Variants in TTN observed in about 807,000 individuals in gnomAD.
The protein encoded by TTN is titin.
TTN carries 1,525 observed loss-of-function variants against 3,223.0 expected under a neutral mutation model. That is an observed-to-expected ratio of 0.47 (90% confidence interval 0.45 to 0.49). The LOEUF (loss-of-function observed/expected upper bound fraction) is 0.49. TTN is among the 20% of genes least tolerant of loss of function. The probability of loss-of-function intolerance (pLI) is 0.00; values close to 1 mark genes in which losing one functional copy is unlikely to be tolerated. For missense variants in TTN, 40,786 were observed against 43,424.0 expected, an observed-to-expected ratio of 0.94 and a Z score of 5.40; for synonymous variants, 14,094 against 15,161.0, an observed-to-expected ratio of 0.93 and a Z score of 5.17.
chr2:178,564,029 T>C lies in TTN; in HGVS notation c.82103A>G (p.Asp27368Gly), dbSNP rs145373396. The change falls in exon 326 of 363, where the codon GAC becomes GGC. Residue 27368 changes from aspartate (D) to glycine (G), a missense_variant. Transcript: ENST00000589042. The stretch of plus-strand genomic sequence containing the variant: ...AGGCCCTTCAGGAGGCCCTGGCCTG[T>C]CAAGTACCTTTACAGTGATGGGTAT... ...KSIPITVKVL[D>G]RPGPPEGPLK... 1.4e-4 allele frequency: 219 copies of C among 1,613,774 alleles called. No homozygotes were observed. The Admixed American group carries it at 3.6e-3, about 26-fold the overall frequency.
At chr2:178,711,480 A>G in intron 96 of TTN, 131 bp from the exon 97 acceptor site, 2 of 1,101,962 alleles carry the variant, frequency 1.8e-6, no homozygotes, top group Non-Finnish European at 2.5e-6. Context: ...CTCTTGAATT[A>G]ACTTGGAGAT....
chr2:178,530,785 A>G lies in TTN; in HGVS notation c.105830T>C (p.Val35277Ala), dbSNP rs754848862. Reference sequence around the variant, plus strand: ...TGGGGCAGAGACTGGGAGGTGCTGAACTTTCTCTGTTGGTGTTGGTTTTGT... The same window carrying G: ...TGGGGCAGAGACTGGGAGGTGCTGAGCTTTCTCTGTTGGTGTTGGTTTTGT... Reference protein sequence around the residue: ...TETKPTPTEKVQHLPVSAPPK... With the variant: ...TETKPTPTEKAQHLPVSAPPK... The change falls in exon 358 of 363, where the codon GTT becomes GCT. Residue 35277 changes from valine (V) to alanine (A), a missense_variant. Transcript: ENST00000589042. 1 of 1,613,340 alleles carries G rather than the reference A, an allele frequency of 6.2e-7. No homozygotes were observed. Among genetic ancestry groups the G allele is most frequent in the African/African-American group, 1.3e-5 (1 of 74,734 alleles).
chr2:178,749,064 C>T (rs2084577779), intron 47 of TTN: 2 of 1,612,602 alleles, frequency 1.2e-6, no homozygotes. Flanking sequence ...ATCTCTTCAC[C>T]AAGGGATTCT....
chr2:178,672,727 G>C (rs1178338576), intron 152 of TTN, 24 bp from the exon 153 acceptor site: 2 of 1,564,406 alleles, frequency 1.3e-6, no homozygotes, highest in Non-Finnish European at 1.7e-6. Flanking sequence ...AGGTGTTTTA[G>C]TTAGCTGAGA....
At chr2:178,751,552 T>C in intron 47 of TTN, 1 of 1,613,370 alleles carries the variant, frequency 6.2e-7, no homozygotes. Flanking sequence ...CATTTTCATG[T>C]GTCCGTTCTG....
Position 178,734,695 on chromosome 2 carries a change from C to A in TTN, c.15217+12G>T. On this transcript the variant is annotated intron_variant, in intron 51 of 362. Coordinates refer to ENST00000589042, the MANE Select transcript of TTN (RefSeq NM_001267550.2). Reference sequence around the variant, plus strand: ...CTCAGAAAAATACTGGATGGAAACTCAGTAAACAAACCTTTGATAACTATT... The same window carrying A: ...CTCAGAAAAATACTGGATGGAAACTAAGTAAACAAACCTTTGATAACTATT... 1 of 1,596,398 alleles carries A rather than the reference C, an allele frequency of 6.3e-7. No individual in the cohort carries two copies.
chr2:178,560,503 C>T lies in TTN; in HGVS notation c.85629G>A (p.Lys28543=). The change falls in exon 326 of 363, where the codon AAG becomes AAA. Residue 28543 remains lysine (K), a synonymous_variant. Coordinates refer to ENST00000589042, the MANE Select transcript of TTN (RefSeq NM_001267550.2). ...TTGGAACTGTAAATGGATCTAGTGC[C>T]TTTATAGCTACACTCTCTAGGGGCT... The part of the protein sequence containing the change: ...VGEPLESVAI[K]ALDPFTVPSP... The T allele has an allele frequency of 6.2e-7, 1 of 1,612,894 alleles. No homozygotes were observed. Among genetic ancestry groups the T allele is most frequent in the South Asian group, 1.1e-5 (1 of 91,016 alleles).
rs572368746 is a variant in TTN, at chr2:178,598,550, A to T, written c.57067T>A (p.Tyr19023Asn). Residue 19023 changes from tyrosine to asparagine, a missense_variant, in exon 292 of 363, where the codon TAC (tyrosine) becomes AAC (asparagine). Tyr to Asn is a moderately radical substitution (Grantham distance 143). Coordinates refer to ENST00000589042, the MANE Select transcript of TTN (RefSeq NM_001267550.2). ...LKDGGSKVTG[Y>N]IVEYKEEGKE... ...CCTTCTTCTTTATATTCAACGATGT[A>T]TCCAGTTACTTTGGATCCACCATCT... 1 of 1,609,186 alleles carries T rather than the reference A, an allele frequency of 6.2e-7. No homozygotes were observed. The highest frequency in any genetic ancestry group is 1.1e-5 in the South Asian group (1 of 89,584).
intron 159 of TTN, 103 bp downstream of exon 159, chr2:178,669,270 A>G: frequency 1.1e-6 from 1 of 902,432 alleles, no homozygotes; most frequent in Non-Finnish European, 1.6e-6. Flanking sequence ...TTAGGCTTTT[A>G]TAAGAGTTTA....
rs192788942 is a variant in TTN at position 178,602,323 on chromosome 2, G to A, written c.55079C>T (p.Pro18360Leu). The A allele has an allele frequency of 8.9e-5, 143 of 1,612,862 alleles. No individual in the cohort carries two copies. In the African/African-American group the frequency reaches 1.7e-3, roughly 19 times the overall value. The change falls in exon 283 of 363, where the codon CCA (proline) becomes CTA (leucine). Residue 18360 changes from proline (P) to leucine (L), a missense_variant. Physicochemically the swap from Pro to Leu is moderately conservative, Grantham distance 98 (BLOSUM62 -3). Coordinates refer to ENST00000589042, the MANE Select transcript of TTN (RefSeq NM_001267550.2). The stretch of plus-strand genomic sequence containing the variant: ...AGGGATCTCCCCAGTTGTATCACTT[G>A]GTTCAGATTCACCAGCTTCATTGAC... ...KAVNEAGESEPSDTTGEIPAT... is the reference protein window; with the variant it reads ...KAVNEAGESELSDTTGEIPAT...
chr2:178,630,329 A>C lies in TTN; in HGVS notation c.44193T>G (p.Leu14731=), dbSNP rs1576665318. The C allele has an allele frequency of 2.5e-6, 4 of 1,612,434 alleles. No homozygotes were observed. The Admixed American group carries it at 6.7e-5, about 27-fold the overall frequency. Residue 14731 remains leucine (L), a synonymous_variant, in exon 239 of 363, where the codon CTT becomes CTG. Coordinates refer to ENST00000589042, the MANE Select transcript of TTN (RefSeq NM_001267550.2). ...GGTCCAGGCGACAGTTGTGCAAAAC[A>C]AGGGAGTGTATTTTGCCTTCTTCCT... The part of the protein sequence containing the change: ...EIKEEGKIHS[L]VLHNCRLDQT...
At chr2:178,681,351 T>G in intron 137 of TTN, 25 bp downstream of exon 137, 1 of 1,593,952 alleles carries the variant, frequency 6.3e-7, no homozygotes, top group Non-Finnish European at 8.6e-7. Flanking sequence ...AAGTTGTTTT[T>G]GGTGATTATT....
intron 88 of TTN, among the ~76,000 whole-genome samples, chr2:178,716,864 T>A (rs1172305144): frequency 6.6e-6 from 1 of 152,178 alleles, no homozygotes; most frequent in Admixed American, 6.6e-5. Context: ...TAGTCTCTAT[T>A]TTTAGTCTCT....
At position 178,693,647 on chromosome 2, in the gene TTN, T is replaced by C. The variant is rs756171540; in HGVS notation, c.31556A>G (p.His10519Arg). ...QKEIVTEEKIHVAISKRVEPP... is the reference protein window; with the variant it reads ...QKEIVTEEKIRVAISKRVEPP... The stretch of plus-strand genomic sequence containing the variant: ...TTCAACCCTTTTGGAAATGGCAACG[T>C]GAATTTTCTCTTCAGTAACAATTTC... Residue 10519 changes from histidine to arginine, a missense_variant, in exon 119 of 363, where the codon CAC becomes CGC. Physicochemically the swap from His to Arg is conservative, Grantham distance 29. Transcript: ENST00000589042. 2.5e-6 allele frequency: 4 copies of C among 1,600,872 alleles called. No individual in the cohort carries two copies. In the Admixed American group the frequency reaches 5.0e-5, roughly 20 times the overall value.
chr2:178,604,159 C>G lies in TTN; in HGVS notation c.54528G>C (p.Leu18176Phe), dbSNP rs553262724. 4.3e-6 allele frequency: 7 copies of G among 1,612,154 alleles called. No individual in the cohort carries two copies. In the African/African-American group the frequency reaches 9.3e-5, roughly 22 times the overall value. Residue 18176 changes from leucine (L) to phenylalanine (F), a missense_variant, in exon 282 of 363, where the codon TTG (leucine) becomes TTC (phenylalanine). Transcript: ENST00000589042. ...LPGPPGKPKV[L>F]ARTKGSMLVS... Reference sequence around the variant, plus strand: ...CTAGCATTGATCCTTTGGTGCGTGCCAAAACTTTTGGTTTTCCTGGAGGTC... The same window carrying G: ...CTAGCATTGATCCTTTGGTGCGTGCGAAAACTTTTGGTTTTCCTGGAGGTC...
chr2:178,599,210 G>A lies in TTN; in HGVS notation c.56583C>T (p.Ala18861=), dbSNP rs1182032941. ...GTTCTCCAATGCCATATTTATTCTGGGCCATGATTCGGAATACATATTCAT... is the reference window on the plus strand; with the variant it reads ...GTTCTCCAATGCCATATTTATTCTGAGCCATGATTCGGAATACATATTCAT... ...EGHEYVFRIM[A]QNKYGIGEPL... is the part of the protein sequence containing the mutation. The change falls in exon 290 of 363, where the codon GCC becomes GCT. Residue 18861 remains alanine, a synonymous_variant. Transcript: ENST00000589042. 8.5e-6 allele frequency: 13 copies of A among 1,520,744 alleles called. No individual in the cohort carries two copies. In the South Asian group the frequency reaches 1.8e-4, roughly 21 times the overall value. The allele number at this position is 1,520,744 out of a possible 1,614,324, so 94.2% of individuals were successfully genotyped here. A position where few individuals can be genotyped will look rare whatever the true frequency, so the allele number is the denominator to read the frequency against.
chr2:178,669,523 A>G, intron 158 of TTN, 69 bp downstream of exon 158: 1 of 1,594,360 alleles, frequency 6.3e-7, no homozygotes, highest in Non-Finnish European at 8.6e-7. Context: ...AATGTCACAC[A>G]CATTCACTTT....
In TTN at chr2:178,804,600, C is replaced by T. The variant is rs201857541; in HGVS notation, c.43G>A (p.Val15Ile). 149 of 1,613,970 alleles carry T rather than the reference C, an allele frequency of 9.2e-5. No homozygotes were observed. Among genetic ancestry groups the T allele is most frequent in the South Asian group, 3.7e-4 (34 of 91,046 alleles). Reference protein sequence around the residue: ...APTFTQPLQSVVVLEGSTATF... With the variant: ...APTFTQPLQSIVVLEGSTATF... ...GCGGTACTACCCTCCAGTACCACAA[C>T]GCTTTGTAACGGCTGCGTAAACGTC... The change falls in exon 2 of 363, where the codon GTT becomes ATT. Residue 15 changes from valine to isoleucine, a missense_variant. By Grantham distance (29) the Val-to-Ile change is conservative. Transcript: ENST00000589042.
intron 168 of TTN, among the ~76,000 whole-genome samples, 164 bp downstream of exon 168, chr2:178,664,296 G>T (rs1470217399): frequency 6.6e-6 from 1 of 152,078 alleles, no homozygotes; most frequent in Non-Finnish European, 1.5e-5. Context: ...TTCTTTGGGA[G>T]CTTCAGGCAG....
Sources: allele counts gnomAD v4.1 joint callset (sites outside exome capture counted in the v4.1 genomes callset), GRCh38; gene constraint gnomAD v4.1.1; transcripts MANE v1.5; gene names NCBI Gene and HGNC (gene_info 2026-07-23, HGNC 2026-07-21).